The following GPHN variants were observed in gnomAD, a reference collection of about 807,000 sequenced individuals.
GPHN encodes gephyrin.
In GPHN, 17 loss-of-function variants were observed where a neutral mutation model predicts 95.5. That is an observed-to-expected ratio of 0.18 (90% confidence interval 0.12 to 0.27). GPHN has a LOEUF of 0.27. Ranked by LOEUF, GPHN falls within the 10% of genes least tolerant of loss-of-function variation. GPHN has a pLI of 1.00. For synonymous variants in GPHN, 320 were observed against 322.5 expected, an observed-to-expected ratio of 0.99 and a Z score of 0.08; for missense variants, 660 against 978.1, an observed-to-expected ratio of 0.67 and a Z score of 4.34.
At chr14:66,858,122 C>T (rs1257362712) in intron 4 of GPHN, among the ~76,000 whole-genome samples, 1 of 152,108 alleles carries the variant, frequency 6.6e-6, no homozygotes, top group Admixed American at 6.5e-5. Context: ...TGGGCAAGTC[C>T]TAGTGCTGAC....
the GPHN span, among the ~76,000 whole-genome samples, chr14:67,323,261 G>GTGTGTGTGTGTA: frequency 0.017 from 2,067 of 124,056 alleles, 21 homozygotes; most frequent in Non-Finnish European, 0.027. Context: ...GTGTGTGTGT[G>GTGTGTGTGTGTA]TATATATATA....
At chr14:67,172,885 T>TCCTCTGGGACCTAG (rs1296548667) in intron 21 of GPHN, among the ~76,000 whole-genome samples, 1 of 152,158 alleles carries the variant, frequency 6.6e-6, no homozygotes, top group African/African-American at 2.4e-5. Flanking sequence ...CACTACTACA[T>TCCTCTGGGACCTAG]GCTGCCTCAT....
At chr14:67,086,986 C>G (rs1189946544) in intron 11 of GPHN, among the ~76,000 whole-genome samples, 1 of 144,352 alleles carries the variant, frequency 6.9e-6, no homozygotes, top group Non-Finnish European at 1.5e-5. Context: ...TGCAGTGAGC[C>G]GAGATCCCAC....
chr14:66,878,227 A>G (rs1359958344), intron 4 of GPHN, among the ~76,000 whole-genome samples: 1 of 152,216 alleles, frequency 6.6e-6, no homozygotes, highest in African/African-American at 2.4e-5. Context: ...AATTAACTCA[A>G]GATGAATTAA....
chr14:67,141,191 G>C (rs540345346), intron 17 of GPHN, among the ~76,000 whole-genome samples: 2 of 152,256 alleles, frequency 1.3e-5, no homozygotes, highest in African/African-American at 4.8e-5. Context: ...CTTGTGGACA[G>C]GCCAGTGCTA....
intron 4 of GPHN, among the ~76,000 whole-genome samples, chr14:66,852,069 G>A (rs966527474): frequency 6.6e-6 from 1 of 152,104 alleles, no homozygotes; most frequent in Non-Finnish European, 1.5e-5. Flanking sequence ...CAAAATGTGT[G>A]CAATAAAGAA....
chr14:67,714,094 T>A, the GPHN span, among the ~76,000 whole-genome samples: 1 of 152,122 alleles, frequency 6.6e-6, no homozygotes, highest in African/African-American at 2.4e-5. Flanking sequence ...CTATTAGATT[T>A]AAAAAAATTG....
chr14:66,705,671 T>C (rs1057182985), intron 2 of GPHN, among the ~76,000 whole-genome samples: 10 of 152,138 alleles, frequency 6.6e-5, no homozygotes, highest in Admixed American at 6.5e-4. Context: ...TATCTCAAAA[T>C]AATAAGAGCT....
intron 9 of GPHN, among the ~76,000 whole-genome samples, chr14:66,976,288 T>C (rs1423748785): frequency 2.0e-5 from 3 of 152,194 alleles, no homozygotes; most frequent in Non-Finnish European, 4.4e-5. Context: ...TACAAGAAAT[T>C]GTGAAATTAA....
intron 2 of GPHN, among the ~76,000 whole-genome samples, chr14:66,761,549 G>A (rs1408168580): frequency 6.6e-6 from 1 of 151,988 alleles, no homozygotes; most frequent in Non-Finnish European, 1.5e-5. Context: ...GCTTTGACCT[G>A]GTTTAACCCT....
At chr14:67,686,995 A>G in the GPHN span, among the ~76,000 whole-genome samples, 5 of 152,260 alleles carry the variant, frequency 3.3e-5, no homozygotes, top group South Asian at 1.0e-3. Context: ...GAGGTCCCAA[A>G]TTGATTTCTA....
intron 4 of GPHN, among the ~76,000 whole-genome samples, chr14:66,837,596 AAAATAAATAAATAAATAAAAATAAAT>A (rs1169715503): frequency 1.4e-5 from 2 of 143,202 alleles, no homozygotes; most frequent in South Asian, 2.2e-4. Context: ...AAGTATAATA[AAAATAAATAAATAAATAAAAATAAAT>A]AAATAAATAA....
rs528315104 is a variant in GPHN at position 67,108,758 on chromosome 14, A to C, written c.1294-1382A>C. Among the ~76,000 whole-genome samples the C allele has an allele frequency of 3.0e-5, 3 of 100,848 alleles. No individual in the cohort carries two copies. In the South Asian group the frequency reaches 9.9e-4, roughly 33 times the overall value. The allele number at this position is 100,848 out of a possible 152,430, so 66.2% of individuals were successfully genotyped here. A position where few individuals can be genotyped will look rare whatever the true frequency, so the allele number is the denominator to read the frequency against. ...GTGTGTGTGTGTGTGTGTGTGGTTT[A>C]TTTTACTTTGTCTTATTTTGGTGGT... On this transcript the variant is annotated intron_variant, in intron 13 of 22. Transcript: ENST00000478722.
chr14:66,705,997 C>T (rs1218197828), intron 2 of GPHN, among the ~76,000 whole-genome samples: 4 of 152,086 alleles, frequency 2.6e-5, no homozygotes, highest in African/African-American at 9.7e-5. Flanking sequence ...GCAAAAATCA[C>T]AAGCATTTTT....
chr14:67,022,541 CTTTTTTTTTTT>C (rs1214143019), intron 9 of GPHN, among the ~76,000 whole-genome samples: 11 of 18,886 alleles, frequency 5.8e-4, no homozygotes, highest in South Asian at 1.6e-3. Flanking sequence ...ATTATTTTTC[CTTTTTTTTTTT>C]TTTTTTTTTT....
At chr14:67,347,592 C>A in the GPHN span, 1 of 682,692 alleles carries the variant, frequency 1.5e-6, no homozygotes. Flanking sequence ...ACCTCTGCCT[C>A]CCAGGTTCAA....
At chr14:67,011,586 A>AG (rs553899655) in intron 9 of GPHN, among the ~76,000 whole-genome samples, 3,411 of 150,290 alleles carry the variant, frequency 0.023, 64 homozygotes, top group Non-Finnish European at 0.035. Flanking sequence ...AAAAAAAAAA[A>AG]AAAAAAAAAA....
chr14:67,018,442 G>A (rs1394881704), intron 9 of GPHN, among the ~76,000 whole-genome samples: 5 of 152,054 alleles, frequency 3.3e-5, no homozygotes, highest in African/African-American at 4.8e-5. Flanking sequence ...AAGCAACAGT[G>A]TATTCCAGAT....
chr14:66,599,392 A>ATTTTTTTTTTTTTTTTTT (rs765267813), intron 1 of GPHN, among the ~76,000 whole-genome samples: 29 of 76,484 alleles, frequency 3.8e-4, no homozygotes, highest in African/African-American at 1.2e-3. Flanking sequence ...TTTTTTTTGC[A>ATTTTTTTTTTTTTTTTTT]TTTTTTTTTT....
Sources: allele counts gnomAD v4.1 joint callset (sites outside exome capture counted in the v4.1 genomes callset), GRCh38; gene constraint gnomAD v4.1.1; transcripts MANE v1.5; gene names NCBI Gene and HGNC (gene_info 2026-07-23, HGNC 2026-07-21).